Variants in PPP6R2 observed in about 807,000 individuals in gnomAD.
The protein encoded by PPP6R2 is protein phosphatase 6 regulatory subunit 2, also known as serine/threonine-protein phosphatase 6 regulatory subunit 2.
Under a neutral mutation model 100.2 loss-of-function variants are expected in PPP6R2, and 62 were observed. The observed-to-expected ratio is 0.62, with a 90% CI of 0.50 to 0.76. The LOEUF is 0.76. PPP6R2 is among the 30% of genes least tolerant of loss of function. The pLI, the probability that PPP6R2 is intolerant of heterozygous loss-of-function variation, is 0.00. For missense variants in PPP6R2, 1,142 were observed against 1,276.3 expected, an observed-to-expected ratio of 0.89 and a Z score of 1.60; for synonymous variants, 525 against 514.7, an observed-to-expected ratio of 1.02 and a Z score of -0.27.
chr22:50,439,862 C>T lies in PPP6R2; in HGVS notation c.2285+5C>T. 3 of 1,611,620 alleles carry T rather than the reference C, an allele frequency of 1.9e-6. No individual in the cohort carries two copies. Among genetic ancestry groups the T allele is most frequent in the South Asian group, 1.1e-5 (1 of 90,854 alleles). ...TGACTTCCAACCTTTCTGCTGGTAA[C>T]AAATGCGCTGGCAGGAGGGGGCTGT... On this transcript the variant is annotated splice_donor_5th_base_variant and intron_variant, in intron 20 of 23. Transcript: ENST00000612753.
At chr22:50,441,463 G>A (rs1168009487) in intron 22 of PPP6R2, among the ~76,000 whole-genome samples, 1 of 152,206 alleles carries the variant, frequency 6.6e-6, no homozygotes, top group Non-Finnish European at 1.5e-5. Context: ...TTTTAAGTCT[G>A]GCAGGCGAGC....
chr22:50,424,674 T>C (rs1175688498), intron 10 of PPP6R2, among the ~76,000 whole-genome samples: 1 of 141,096 alleles, frequency 7.1e-6, no homozygotes, highest in Non-Finnish European at 1.5e-5. Context: ...AGTCTCTCTC[T>C]GTCGCCAGGC....
At chr22:50,410,499 C>T (rs1213828153) in intron 4 of PPP6R2, among the ~76,000 whole-genome samples, 7 of 113,792 alleles carry the variant, frequency 6.2e-5, no homozygotes, top group East Asian at 2.3e-4. Context: ...TTTTTTGAGA[C>T]GGAGTCTTGC....
Position 50,360,616 on chromosome 22 carries a change from G to C in PPP6R2, c.-147-11404G>C, listed in dbSNP as rs138152688. Among the ~76,000 whole-genome samples the C allele has an allele frequency of 2.9e-3, 445 of 152,226 alleles. 2 individuals carry two copies. Among genetic ancestry groups the C allele is most frequent in the African/African-American group, 9.9e-3 (410 of 41,554 alleles). On this transcript the variant is annotated intron_variant, in intron 1 of 23. Transcript: ENST00000612753. ...TGGCTTCAAGCAATCCTCCTGCCTG[G>C]ACCTCCCAAAGCATGGGGATTATAG...
chr22:50,370,507 T>A (rs1359635100), intron 1 of PPP6R2, among the ~76,000 whole-genome samples: 3 of 151,948 alleles, frequency 2.0e-5, no homozygotes, highest in South Asian at 2.1e-4. Context: ...CAGACTGGTC[T>A]CGAATGCCTG....
In PPP6R2 at chr22:50,444,303, A is replaced by T. The variant is rs1034090121; in HGVS notation, c.*56A>T. On this transcript the variant is annotated 3_prime_UTR_variant, in exon 24 of 24. Transcript: ENST00000612753. ...GGTCAGGCTGCCTCCTTAATCGAGA[A>T]AACTACCTGGTGATGCAATCTTTTT... 6.4e-6 allele frequency: 10 copies of T among 1,554,768 alleles called. No homozygotes were observed. Among genetic ancestry groups the T allele is most frequent in the Middle Eastern group, 1.7e-4 (1 of 5,952 alleles).
At chr22:50,365,176 A>G (rs983626442) in intron 1 of PPP6R2, among the ~76,000 whole-genome samples, 5 of 151,420 alleles carry the variant, frequency 3.3e-5, no homozygotes, top group Admixed American at 1.3e-4. Flanking sequence ...GGTTCAAGCA[A>G]TTCTCCTGCC....
At chr22:50,338,440 AGTGTGTG>A (rs538022501), upstream of PPP6R2, among the ~76,000 whole-genome samples, 7 of 71,222 alleles carry the variant, frequency 9.8e-5, no homozygotes, top group South Asian at 3.4e-3. Flanking sequence ...GTGTGTGTAG[AGTGTGTG>A]GTGTGTGGTA....
At chr22:50,352,133 G>T (rs1055246144) in intron 1 of PPP6R2, among the ~76,000 whole-genome samples, 1 of 151,536 alleles carries the variant, frequency 6.6e-6, no homozygotes, top group African/African-American at 2.4e-5. Context: ...TAGAGACGGG[G>T]TTTCACCATG....
upstream of PPP6R2, among the ~76,000 whole-genome samples, chr22:50,339,536 TGTGTGTGTGGTGTGTGTGTG>T (rs2042345075): frequency 2.3e-5 from 2 of 87,822 alleles, no homozygotes; most frequent in African/African-American, 8.8e-5. Context: ...TGGTGTGTGG[TGTGTGTGTGGTGTGTGTGTG>T]GTGTGTGTGG....
Position 50,423,691 on chromosome 22 carries a change from G to A in PPP6R2, c.1125+77G>A, listed in dbSNP as rs2061622427. 6.5e-7 allele frequency: 1 copy of A among 1,549,502 alleles called. No individual in the cohort carries two copies. Among genetic ancestry groups the A allele is most frequent in the East Asian group, 2.3e-5 (1 of 42,838 alleles). On this transcript the variant is annotated intron_variant, in intron 10 of 23. Coordinates refer to ENST00000612753, the MANE Select transcript of PPP6R2 (RefSeq NM_001242898.2). The surrounding 1 kb of genome is among the most constrained non-coding windows in gnomAD (Gnocchi z 4.8). ...GCCTGTGGACTTGTCAGGAGCAGCAGAGCAGGGCCCCAGCATTTGGACAAA... is the reference window on the plus strand; with the variant it reads ...GCCTGTGGACTTGTCAGGAGCAGCAAAGCAGGGCCCCAGCATTTGGACAAA...
At chr22:50,416,931 G>T (rs2060625154) in intron 6 of PPP6R2, among the ~76,000 whole-genome samples, 1 of 151,920 alleles carries the variant, frequency 6.6e-6, no homozygotes, top group African/African-American at 2.4e-5. Context: ...GCTCCAGCCT[G>T]GGCGACAGTG....
At chr22:50,340,016 A>G (rs1216018520), upstream of PPP6R2, among the ~76,000 whole-genome samples, 80 of 63,066 alleles carry the variant, frequency 1.3e-3, no homozygotes, top group East Asian at 2.3e-3. Context: ...TGTGGTATGT[A>G]GTGTGTGTGT....
chr22:50,332,858 G>A, the PPP6R2 span, among the ~76,000 whole-genome samples: 10 of 152,028 alleles, frequency 6.6e-5, no homozygotes, highest in Non-Finnish European at 1.3e-4. Context: ...TCTTGACGTC[G>A]TGATCCACCC....
chr22:50,436,149 C>G (rs1433515621), intron 13 of PPP6R2, among the ~76,000 whole-genome samples: 1 of 152,216 alleles, frequency 6.6e-6, no homozygotes, highest in East Asian at 1.9e-4. Flanking sequence ...ACAGGTGCTG[C>G]ACCTCAATCT....
chr22:50,444,346 A>T lies in PPP6R2; in HGVS notation c.*99A>T. 2 of 1,367,940 alleles carry T rather than the reference A, an allele frequency of 1.5e-6. No homozygotes were observed. The highest frequency in any genetic ancestry group is 2.0e-6 in the Non-Finnish European group (2 of 1,008,168). 84.7% of individuals were successfully genotyped at this position (1,367,940 alleles called of 1,614,324 possible). On this transcript the variant is annotated 3_prime_UTR_variant, in exon 24 of 24. Transcript: ENST00000612753. ...ATCTTTTTTTTTTTTAATTTAATTTAATTTTAAAATAAATGCTGCATTGGT... is the reference window on the plus strand; with the variant it reads ...ATCTTTTTTTTTTTTAATTTAATTTTATTTTAAAATAAATGCTGCATTGGT...
chr22:50,438,612 C>T lies in PPP6R2; in HGVS notation c.1978C>T (p.His660Tyr), dbSNP rs1291532219. Residue 660 changes from histidine (H) to tyrosine (Y), a missense_variant, in exon 19 of 24, where the codon CAT becomes TAT. Coordinates refer to ENST00000612753, the MANE Select transcript of PPP6R2 (RefSeq NM_001242898.2). ...VMARPRFGAPHASESCSKNGP... is the reference protein window; with the variant it reads ...VMARPRFGAPYASESCSKNGP... ...AATCTCCCCCAGGTTTGGAGCCCCC[C>T]ATGCTTCAGAGAGTTGCTCAAAGAA... 5.0e-6 allele frequency: 8 copies of T among 1,613,872 alleles called. No homozygotes were observed. Among genetic ancestry groups the T allele is most frequent in the Admixed American group, 1.7e-5 (1 of 59,992 alleles).
chr22:50,383,713 A>T (rs146260903), intron 2 of PPP6R2, among the ~76,000 whole-genome samples: 1 of 152,046 alleles, frequency 6.6e-6, no homozygotes, highest in African/African-American at 2.4e-5. Context: ...GGGAAATGAG[A>T]GGGTGGGTGC....
At chr22:50,414,216 T>TG in intron 4 of PPP6R2, among the ~76,000 whole-genome samples, 1 of 151,584 alleles carries the variant, frequency 6.6e-6, no homozygotes, top group East Asian at 1.9e-4. Context: ...TCGTTTCTGT[T>TG]GGAAAAACCC....
Sources: gnomAD v4.1 joint callset for allele counts (sites outside exome capture counted in the v4.1 genomes callset) on GRCh38, gnomAD v4.1.1 for gene constraint, Gnocchi (gnomAD v3.1) non-coding constraint, MANE v1.5 for transcripts, NCBI Gene and HGNC (gene_info 2026-07-23, HGNC 2026-07-21) for gene names.